ADAM12: variants seen among roughly 807,000 people sequenced by gnomAD.
ADAM12 encodes the protein ADAM metallopeptidase domain 12, also known as disintegrin and metalloproteinase domain-containing protein 12.
ADAM12 carries 70 observed loss-of-function variants against 106.4 expected under a neutral mutation model. The ratio of observed to expected loss-of-function variants is 0.66; its 90% CI spans 0.54 to 0.80. The LOEUF is 0.80. ADAM12 is among the 30% of genes least tolerant of loss of function. The pLI is 0.00. For synonymous variants in ADAM12, 420 were observed against 433.5 expected (o/e 0.97, Z 0.39); for missense variants, 1,010 against 1,171.9 (o/e 0.86, Z 2.02).
intron 3 of ADAM12, among the ~76,000 whole-genome samples, chr10:126,241,897 T>C (rs896013837): frequency 6.6e-6 from 1 of 152,140 alleles, no homozygotes; most frequent in African/African-American, 2.4e-5. Context: ...GTCCATTTTA[T>C]AAATGCTATT....
intron 2 of ADAM12, among the ~76,000 whole-genome samples, chr10:126,283,447 T>C (rs759409380): frequency 6.8e-4 from 104 of 152,184 alleles, no homozygotes; most frequent in Admixed American, 2.2e-3. Flanking sequence ...TCTCATTCCA[T>C]AGTCTCATGA....
At chr10:126,176,085 G>A (rs1021458704) in intron 3 of ADAM12, among the ~76,000 whole-genome samples, 6 of 152,196 alleles carry the variant, frequency 3.9e-5, no homozygotes, top group African/African-American at 7.2e-5. Flanking sequence ...AGGTCACTGC[G>A]ATCCTCAGGG....
At chr10:126,029,330 GAA>G (rs1953934197) in intron 21 of ADAM12, among the ~76,000 whole-genome samples, 1 of 152,170 alleles carries the variant, frequency 6.6e-6, no homozygotes, top group African/African-American at 2.4e-5. Context: ...CAAAGACATG[GAA>G]TCAACCTAAG....
chr10:126,218,598 A>G (rs555090071), intron 3 of ADAM12, among the ~76,000 whole-genome samples: 42 of 152,342 alleles, frequency 2.8e-4, no homozygotes, highest in African/African-American at 1.0e-3. Context: ...GGGCCTGAGA[A>G]CAGGTACTGT....
rs369145795 is a variant in ADAM12, at chr10:126,388,287, G to A, written c.-142C>T. The A allele has an allele frequency of 3.6e-5, 40 of 1,124,104 alleles. 1 individual carries two copies. In the East Asian group the frequency reaches 6.8e-4, roughly 19 times the overall value. 69.6% of individuals were successfully genotyped at this position (1,124,104 alleles called of 1,614,324 possible). ...GTCAGCTCCGGAGCCCTCGCGCAGC[G>A]CCCGCGCCGCCGCTGAGCTCTTCTA... is the stretch of plus-strand genomic sequence containing the variant. On this transcript the variant is annotated 5_prime_UTR_variant, in exon 1 of 23. Coordinates refer to ENST00000448723, the MANE Select transcript of ADAM12 (RefSeq NM_001288973.2). This position sits in a 1 kb window ranked among gnomAD's most constrained non-coding sequence, Gnocchi z 4.4.
intron 3 of ADAM12, among the ~76,000 whole-genome samples, chr10:126,256,239 G>A (rs975900971): frequency 2.0e-5 from 3 of 152,158 alleles, no homozygotes; most frequent in Admixed American, 6.5e-5. Flanking sequence ...ATGAATGAAC[G>A]CTTAGTTTGT....
rs143712445 is a variant in ADAM12 at position 126,325,796 on chromosome 10, GT to G, written c.186+4615del. 3.3e-3 allele frequency among the ~76,000 whole-genome samples: 497 copies of G among 152,298 alleles called. 6 individuals are homozygous for G. Among genetic ancestry groups the G allele is most frequent in the African/African-American group, 0.011 (474 of 41,570 alleles). Reference sequence around the variant, plus strand: ...CCTAAAGACACTGTAAACTTTCAGTGTCACCTTACATTTCTGTAGTAGTGTT... The same window carrying G: ...CCTAAAGACACTGTAAACTTTCAGTGCACCTTACATTTCTGTAGTAGTGTT... On this transcript the variant is annotated intron_variant, in intron 2 of 22. Coordinates refer to ENST00000448723, the MANE Select transcript of ADAM12 (RefSeq NM_001288973.2).
chr10:126,365,461 C>T (rs1465001777), intron 1 of ADAM12, among the ~76,000 whole-genome samples: 2 of 152,134 alleles, frequency 1.3e-5, no homozygotes, highest in Non-Finnish European at 2.9e-5. Flanking sequence ...AGTCTGTTCT[C>T]AGGCTGCTAT....
rs1955663939 is a variant in ADAM12 at position 126,101,322 on chromosome 10, GTTAT to G, written c.742-85_742-82del. 8 of 1,420,572 alleles carry G rather than the reference GTTAT, an allele frequency of 5.6e-6. No homozygotes were observed. In the South Asian group the frequency reaches 1.0e-4, roughly 18 times the overall value. The allele number at this position is 1,420,572 out of a possible 1,614,324, so 88.0% of individuals were successfully genotyped here. The stretch of plus-strand genomic sequence containing the variant: ...GAAATGAAAATTAGAACAGATTTGC[GTTAT>G]TTGAGGGTCACTGACACAGGTGAGA... On this transcript the variant is annotated intron_variant, in intron 8 of 22. Coordinates refer to ENST00000448723, the MANE Select transcript of ADAM12 (RefSeq NM_001288973.2).
At chr10:126,069,497 C>T (rs1341170296) in intron 12 of ADAM12, among the ~76,000 whole-genome samples, 2 of 152,142 alleles carry the variant, frequency 1.3e-5, no homozygotes, top group African/African-American at 4.8e-5. Context: ...TCAAAGCTAC[C>T]CTATAATGCA....
At chr10:126,247,173 T>G (rs1265748985) in intron 3 of ADAM12, among the ~76,000 whole-genome samples, 1 of 152,204 alleles carries the variant, frequency 6.6e-6, no homozygotes, top group Non-Finnish European at 1.5e-5. Context: ...TCAACCTTAG[T>G]GTATCTATCT....
At chr10:126,320,406 G>A (rs563506337) in intron 2 of ADAM12, among the ~76,000 whole-genome samples, 19 of 152,268 alleles carry the variant, frequency 1.2e-4, no homozygotes, top group African/African-American at 3.4e-4. Context: ...TTTTATATAC[G>A]TGGTTGCAGG....
In ADAM12 at chr10:126,015,638, C is replaced by T. The variant is rs1006928601; in HGVS notation, c.*1641G>A. Reference sequence around the variant, plus strand: ...GTTGCCTAGATACAGTGGGGAACACCGGGAAAGTGAAATGCAGTTTTGTTT... The same window carrying T: ...GTTGCCTAGATACAGTGGGGAACACTGGGAAAGTGAAATGCAGTTTTGTTT... On this transcript the variant is annotated 3_prime_UTR_variant, in exon 23 of 23. Coordinates refer to ENST00000448723, the MANE Select transcript of ADAM12 (RefSeq NM_001288973.2). The T allele has an allele frequency of 2.0e-5, 3 of 151,992 alleles. No homozygotes were observed. Among genetic ancestry groups the T allele is most frequent in the South Asian group, 2.1e-4 (1 of 4,816 alleles). The allele number at this position is 151,992 out of a possible 1,614,324, so 9.4% of individuals were successfully genotyped here. A position where few individuals can be genotyped will look rare whatever the true frequency, so the allele number is the denominator to read the frequency against.
At chr10:126,192,347 T>C (rs1184791493) in intron 3 of ADAM12, among the ~76,000 whole-genome samples, 1 of 152,226 alleles carries the variant, frequency 6.6e-6, no homozygotes, top group African/African-American at 2.4e-5. Flanking sequence ...TAGTTATTAC[T>C]AACAACAAAC....
intron 1 of ADAM12, 108 bp downstream of exon 1, chr10:126,387,950 C>A: frequency 8.6e-6 from 10 of 1,157,516 alleles, no homozygotes; most frequent in Non-Finnish European, 1.1e-5. Context: ...CGGAGATGCG[C>A]CGGGGCGCGT....
chr10:126,042,763 A>T (rs1954209478), intron 18 of ADAM12, among the ~76,000 whole-genome samples: 1 of 152,224 alleles, frequency 6.6e-6, no homozygotes, highest in Non-Finnish European at 1.5e-5. Context: ...TCAGCAGTTC[A>T]CTATAGAAAT....
At chr10:126,057,576 C>T (rs1213928730) in intron 14 of ADAM12, among the ~76,000 whole-genome samples, 2 of 144,482 alleles carry the variant, frequency 1.4e-5, no homozygotes, top group Non-Finnish European at 2.9e-5. Context: ...GTTTGCAACA[C>T]GCCCCTGCTG....
intron 3 of ADAM12, among the ~76,000 whole-genome samples, chr10:126,168,647 T>C (rs1008322809): frequency 3.9e-5 from 6 of 152,150 alleles, no homozygotes; most frequent in African/African-American, 7.2e-5. Context: ...AACATTTAGG[T>C]CTGTTTTTCA....
At chr10:126,125,290 G>T (rs1793416554) in intron 5 of ADAM12, among the ~76,000 whole-genome samples, 1 of 147,700 alleles carries the variant, frequency 6.8e-6, no homozygotes, top group African/African-American at 2.5e-5. Context: ...TTGTCACCAG[G>T]CTACAGTACA....
Sources: allele counts gnomAD v4.1 joint callset (sites outside exome capture counted in the v4.1 genomes callset), GRCh38; gene constraint gnomAD v4.1.1; non-coding constraint Gnocchi (gnomAD v3.1); transcripts MANE v1.5; gene names NCBI Gene and HGNC (gene_info 2026-07-23, HGNC 2026-07-21).